The following IMPDH2 variants were observed in gnomAD, a reference collection of about 807,000 sequenced individuals.
IMPDH2 encodes inosine monophosphate dehydrogenase 2.
A neutral mutation model predicts 57.8 loss-of-function variants in IMPDH2; 33 were observed. The observed-to-expected ratio is 0.57, with a 90% CI of 0.43 to 0.76. The LOEUF (loss-of-function observed/expected upper bound fraction) is 0.76, where lower values mean the gene tolerates loss of function less well. Among genes scored for constraint, IMPDH2 ranks in the 30% least tolerant of loss-of-function variants. The pLI is 0.00. For missense variants in IMPDH2, 446 were observed against 659.1 expected (o/e 0.68, Z 3.54); for synonymous variants, 270 against 241.3 (o/e 1.12, Z -1.10).
At position 49,027,035 on chromosome 3, in the gene IMPDH2, T is replaced by C; in HGVS notation, c.544A>G (p.Arg182Gly). 2 of 1,612,876 alleles carry C rather than the reference T, an allele frequency of 1.2e-6. No individual in the cohort carries two copies. Among genetic ancestry groups the C allele is most frequent in the Non-Finnish European group, 1.7e-6 (2 of 1,178,832 alleles). ...DCFLEEIMTK[R>G]EDLVVAPAGI... Reference sequence around the variant, plus strand: ...GCAGGGGCTACCACCAAGTCTTCCCTCTTTGTCATTATCTACGTGGGAGGT... The same window carrying C: ...GCAGGGGCTACCACCAAGTCTTCCCCCTTTGTCATTATCTACGTGGGAGGT... The change falls in exon 6 of 14, where the codon AGG becomes GGG. Residue 182 changes from arginine (R) to glycine (G), a missense_variant. By Grantham distance (125) the Arg-to-Gly change is moderately radical. Coordinates refer to ENST00000326739, the MANE Select transcript of IMPDH2 (RefSeq NM_000884.3).
Position 49,029,364 on chromosome 3 carries a change from C to G in IMPDH2, c.-14G>C. 2 of 1,559,548 alleles carry G rather than the reference C, an allele frequency of 1.3e-6. No homozygotes were observed. Among genetic ancestry groups the G allele is most frequent in the South Asian group, 2.3e-5 (2 of 86,664 alleles). ...GTAGTCGGCCATGGCCAACACAGGA[C>G]ACCGCCGCGTGTCTCCGAGGACCGC... On this transcript the variant is annotated 5_prime_UTR_variant, in exon 1 of 14. Coordinates refer to ENST00000326739, the MANE Select transcript of IMPDH2 (RefSeq NM_000884.3).
At position 49,028,292 on chromosome 3, in the gene IMPDH2, TGTG is replaced by T. The variant is rs995664158; in HGVS notation, c.277_279del (p.His93del). 1.2e-6 allele frequency: 2 copies of T among 1,614,044 alleles called. No individual in the cohort carries two copies. The highest frequency in any genetic ancestry group is 1.3e-5 in the African/African-American group (1 of 74,914). ...TTGGCCTGGAATTCAGGTGTACAGT[TGTG>T]GTGGATGAAGCCAATACCGCCTGTA... is the stretch of plus-strand genomic sequence containing the variant. On this transcript the variant is annotated inframe_deletion, in exon 4 of 14. Coordinates refer to ENST00000326739, the MANE Select transcript of IMPDH2 (RefSeq NM_000884.3).
chr3:49,025,568 G>A (rs1246717050), intron 9 of IMPDH2, among the ~76,000 whole-genome samples: 2 of 152,232 alleles, frequency 1.3e-5, no homozygotes, highest in Non-Finnish European at 2.9e-5. Context: ...ATCAGATGGG[G>A]CAGGAGTCAC....
At chr3:49,028,580 C>T (rs1271163560) in intron 2 of IMPDH2, 48 bp from the exon 3 acceptor site, 2 of 1,466,808 alleles carry the variant, frequency 1.4e-6, no homozygotes, top group Non-Finnish European at 1.9e-6. Flanking sequence ...CCTTACACCT[C>T]AAGGTGTTAC....
rs746529967 is a variant in IMPDH2 at position 49,028,761 on chromosome 3, C to G, written c.144G>C (p.Gln48His). The change falls in exon 2 of 14, where the codon CAG (glutamine) becomes CAC (histidine). Residue 48 changes from glutamine to histidine, a missense_variant. Gln to His is a conservative substitution (Grantham distance 24, BLOSUM62 0). Coordinates refer to ENST00000326739, the MANE Select transcript of IMPDH2 (RefSeq NM_000884.3). Reference sequence around the variant, plus strand: ...CCCAATTCCTGATCATACTCACCACCTGGTCTGCAGTGAAGTCGATGTACC... The same window carrying G: ...CCCAATTCCTGATCATACTCACCACGTGGTCTGCAGTGAAGTCGATGTACC... The part of the protein sequence containing the change: ...LPGYIDFTAD[Q>H]VDLTSALTKK... 6.2e-7 allele frequency: 1 copy of G among 1,613,268 alleles called. No individual in the cohort carries two copies. Among genetic ancestry groups the G allele is most frequent in the African/African-American group, 1.3e-5 (1 of 75,006 alleles).
At position 49,027,859 on chromosome 3, in the gene IMPDH2, G is replaced by A. The variant is rs377521601; in HGVS notation, c.382C>T (p.Arg128Trp). The A allele has an allele frequency of 5.6e-6, 9 of 1,614,026 alleles. No homozygotes were observed. Among genetic ancestry groups the A allele is most frequent in the South Asian group, 1.1e-5 (1 of 91,084 alleles). ...PVVLSPKDRV[R>W]DVFEAKARHG... Reference sequence around the variant, plus strand: ...CGGGCCTTGGCCTCAAAAACATCCCGCACGCGATCCTTGGGGCTGAGGACC... The same window carrying A: ...CGGGCCTTGGCCTCAAAAACATCCCACACGCGATCCTTGGGGCTGAGGACC... Residue 128 changes from arginine (R) to tryptophan (W), a missense_variant, in exon 5 of 14, where the codon CGG (arginine) becomes TGG (tryptophan). By Grantham distance (101) the Arg-to-Trp change is moderately radical. Coordinates refer to ENST00000326739, the MANE Select transcript of IMPDH2 (RefSeq NM_000884.3).
Position 49,024,542 on chromosome 3 carries a change from C to G in IMPDH2, c.1476G>C (p.Lys492Asn). Residue 492 changes from lysine to asparagine, a missense_variant, in exon 13 of 14, where the codon AAG (lysine) becomes AAC (asparagine). Coordinates refer to ENST00000326739, the MANE Select transcript of IMPDH2 (RefSeq NM_000884.3). ...MMYSGELKFE[K>N]RTSSAQVEGG... ...CTTCCACCTGGGCTGAGGACGTTCT[C>G]TTCTCAAACTTAAGCTCCCCAGAGT... 1 of 1,614,178 alleles carries G rather than the reference C, an allele frequency of 6.2e-7. No homozygotes were observed. The highest frequency in any genetic ancestry group is 8.5e-7 in the Non-Finnish European group (1 of 1,180,038).
At chr3:49,026,450 G>A in intron 8 of IMPDH2, 31 bp from the exon 9 acceptor site, 3 of 1,607,386 alleles carry the variant, frequency 1.9e-6, no homozygotes, top group Non-Finnish European at 1.7e-6. Context: ...ATGCTCATGT[G>A]AAGGTTAAGG....
rs894493073 is a variant in IMPDH2 at position 49,024,954 on chromosome 3, C to T, written c.1237G>A (p.Gly413Ser). Residue 413 changes from glycine (G) to serine (S), a missense_variant, in exon 11 of 14, where the codon GGT becomes AGT. Coordinates refer to ENST00000326739, the MANE Select transcript of IMPDH2 (RefSeq NM_000884.3). ...TCCATGGCATCGAGAGAACCCATACCGCGATATTTCTTTAGCCGGATCCCA... is the reference window on the plus strand; with the variant it reads ...TCCATGGCATCGAGAGAACCCATACTGCGATATTTCTTTAGCCGGATCCCA... ...SDGIRLKKYR[G>S]MGSLDAMDKH... The T allele has an allele frequency of 1.4e-5, 23 of 1,614,066 alleles. No homozygotes were observed. Among genetic ancestry groups the T allele is most frequent in the Non-Finnish European group, 1.7e-5 (20 of 1,180,034 alleles).
In IMPDH2 at chr3:49,027,051, C is replaced by T. The variant is rs368191553; in HGVS notation, c.532-4G>A. Reference sequence around the variant, plus strand: ...AGTCTTCCCTCTTTGTCATTATCTACGTGGGAGGTGAGATGTGAAGAAGGG... The same window carrying T: ...AGTCTTCCCTCTTTGTCATTATCTATGTGGGAGGTGAGATGTGAAGAAGGG... On this transcript the variant is annotated splice_polypyrimidine_tract_variant and splice_region_variant and intron_variant, in intron 5 of 13. Coordinates refer to ENST00000326739, the MANE Select transcript of IMPDH2 (RefSeq NM_000884.3). 111 of 1,606,176 alleles carry T rather than the reference C, an allele frequency of 6.9e-5. No homozygotes were observed. The African/African-American group carries it at 8.9e-4, about 13-fold the overall frequency.
chr3:49,026,950 T>C lies in IMPDH2; in HGVS notation c.619+10A>G, dbSNP rs748028340. The stretch of plus-strand genomic sequence containing the variant: ...TTAGTTCCAGGCCCTTTCCCAGCTC[T>C]AGGACTTACCCTTCTTGCTGCGCTG... On this transcript the variant is annotated intron_variant, in intron 6 of 13. Coordinates refer to ENST00000326739, the MANE Select transcript of IMPDH2 (RefSeq NM_000884.3). 1.9e-6 allele frequency: 3 copies of C among 1,613,478 alleles called. No homozygotes were observed. In the African/African-American group the frequency reaches 4.0e-5, roughly 22 times the overall value.
At chr3:49,027,623 G>A in intron 5 of IMPDH2, 87 bp downstream of exon 5, 1 of 1,098,108 alleles carries the variant, frequency 9.1e-7, no homozygotes, top group East Asian at 2.4e-5. Flanking sequence ...GAGAGAAGAG[G>A]CTATCAGAGA....
Position 49,027,799 on chromosome 3 carries a change from C to T in IMPDH2, c.442G>A (p.Gly148Ser). The T allele has an allele frequency of 6.2e-7, 1 of 1,614,212 alleles. No homozygotes were observed. Among genetic ancestry groups the T allele is most frequent in the Non-Finnish European group, 8.5e-7 (1 of 1,180,038 alleles). Residue 148 changes from glycine (G) to serine (S), a missense_variant, in exon 5 of 14, where the codon GGC becomes AGC. Transcript: ENST00000326739. ...CCCACCAAGCGGCTCCCCATCCGGC[C>T]TGTGTCTGTGATTGGGATACCGCAG... is the stretch of plus-strand genomic sequence containing the variant. ...GFCGIPITDT[G>S]RMGSRLVGII...
At position 49,024,586 on chromosome 3, in the gene IMPDH2, A is replaced by G; in HGVS notation, c.1440-8T>C. 6.2e-7 allele frequency: 1 copy of G among 1,614,158 alleles called. No individual in the cohort carries two copies. The highest frequency in any genetic ancestry group is 8.5e-7 in the Non-Finnish European group (1 of 1,180,010). Reference sequence around the variant, plus strand: ...CCAGAGTACATCATGGCTCTGAAGAAGGGCAGAGGTCAAATGTGGGTAGCT... The same window carrying G: ...CCAGAGTACATCATGGCTCTGAAGAGGGGCAGAGGTCAAATGTGGGTAGCT... On this transcript the variant is annotated splice_region_variant and splice_polypyrimidine_tract_variant and intron_variant, in intron 12 of 13. Transcript: ENST00000326739.
Position 49,025,270 on chromosome 3 carries a change from CTG to C in IMPDH2, c.1007-3_1007-2del, listed in dbSNP as rs762878325. 6.2e-7 allele frequency: 1 copy of C among 1,614,224 alleles called. No homozygotes were observed. Among genetic ancestry groups the C allele is most frequent in the South Asian group, 1.1e-5 (1 of 91,088 alleles). On this transcript the variant is annotated splice_acceptor_variant and splice_polypyrimidine_tract_variant and intron_variant, in intron 9 of 13. Transcript: ENST00000326739. LOFTEE classifies it high-confidence loss of function. ...GCTTGGGGCCGCCCACAGGCCAGCA[CTG>C]TTGAGATGGAGGAACACATGGGTGG... is the stretch of plus-strand genomic sequence containing the variant.
chr3:49,024,487 T>A lies in IMPDH2; in HGVS notation c.1523+8A>T. ...GGCAGAGGCCCCACCAAGGACAGGGTGACTTACGAATGGAGGCTATGGACG... is the reference window on the plus strand; with the variant it reads ...GGCAGAGGCCCCACCAAGGACAGGGAGACTTACGAATGGAGGCTATGGACG... On this transcript the variant is annotated splice_region_variant and intron_variant, in intron 13 of 13. Coordinates refer to ENST00000326739, the MANE Select transcript of IMPDH2 (RefSeq NM_000884.3). 1.2e-6 allele frequency: 2 copies of A among 1,613,942 alleles called. No homozygotes were observed. Among genetic ancestry groups the A allele is most frequent in the Non-Finnish European group, 1.7e-6 (2 of 1,179,960 alleles).
Position 49,027,797 on chromosome 3 carries a change from G to T in IMPDH2, c.444C>A (p.Gly148=), listed in dbSNP as rs1417575521. ...TGCCCACCAAGCGGCTCCCCATCCG[G>T]CCTGTGTCTGTGATTGGGATACCGC... ...GFCGIPITDT[G]RMGSRLVGII... is the part of the protein sequence containing the mutation. The change falls in exon 5 of 14, where the codon GGC becomes GGA. Residue 148 remains glycine (G), a synonymous_variant. Transcript: ENST00000326739. The T allele has an allele frequency of 6.2e-7, 1 of 1,614,140 alleles. No individual in the cohort carries two copies. Among genetic ancestry groups the T allele is most frequent in the Admixed American group, 1.7e-5 (1 of 60,022 alleles).
At chr3:49,026,446 A>G (rs1440786868) in intron 8 of IMPDH2, 27 bp from the exon 9 acceptor site, 3 of 1,609,012 alleles carry the variant, frequency 1.9e-6, no homozygotes, top group East Asian at 2.2e-5. Flanking sequence ...GAAAATGCTC[A>G]TGTGAAGGTT....
At chr3:49,026,190 C>A in intron 9 of IMPDH2, 134 bp downstream of exon 9, 1 of 712,560 alleles carries the variant, frequency 1.4e-6, no homozygotes. Flanking sequence ...CCATGTCACC[C>A]ATCCAAGAGG....
Sources: allele counts gnomAD v4.1 joint callset (sites outside exome capture counted in the v4.1 genomes callset), GRCh38; gene constraint gnomAD v4.1.1; transcripts MANE v1.5; gene names NCBI Gene and HGNC (gene_info 2026-07-23, HGNC 2026-07-21).